The following TSHZ2 variants were observed in gnomAD, a reference collection of about 807,000 sequenced individuals.
The protein encoded by TSHZ2 is teashirt homolog 2.
TSHZ2 carries 21 observed loss-of-function variants against 74.4 expected under a neutral mutation model. The observed-to-expected ratio is 0.28, with a 90% CI of 0.20 to 0.41. The LOEUF (loss-of-function observed/expected upper bound fraction) is 0.41. TSHZ2 is among the 10% of genes least tolerant of loss of function. TSHZ2 has a pLI of 1.00. For synonymous variants in TSHZ2, 540 were observed against 515.3 expected (o/e 1.05, Z -0.65); for missense variants, 1,244 against 1,293.5 (o/e 0.96, Z 0.59).
chr20:53,077,845 T>G, intron 1 of TSHZ2, among the ~76,000 whole-genome samples: 1 of 152,234 alleles, frequency 6.6e-6, no homozygotes, highest in East Asian at 1.9e-4. Context: ...CTTGCAAAGA[T>G]GCAATGGAAA....
At chr20:53,333,822 G>A (rs969326538) in intron 2 of TSHZ2, among the ~76,000 whole-genome samples, 5 of 152,134 alleles carry the variant, frequency 3.3e-5, no homozygotes, top group African/African-American at 7.2e-5. Context: ...AGGATGCAGC[G>A]ACTGCATCTC....
At chr20:53,101,582 A>G (rs1352187053) in intron 1 of TSHZ2, among the ~76,000 whole-genome samples, 1 of 152,254 alleles carries the variant, frequency 6.6e-6, no homozygotes, top group African/African-American at 2.4e-5. Flanking sequence ...GACAGTTTGT[A>G]GAAACCACAG....
chr20:53,001,205 C>T (rs62206634), intron 1 of TSHZ2, among the ~76,000 whole-genome samples: 395 of 94,210 alleles, frequency 4.2e-3, no homozygotes, highest in African/African-American at 0.013. Context: ...CGTTCATGTG[C>T]GTGTGTGTGT....
At chr20:53,372,878 C>T (rs1981527819) in intron 2 of TSHZ2, among the ~76,000 whole-genome samples, 1 of 152,184 alleles carries the variant, frequency 6.6e-6, no homozygotes, top group African/African-American at 2.4e-5. Flanking sequence ...TGGGATAGAA[C>T]ATACAGGGGA....
chr20:53,430,042 A>G (rs1005033693), intron 2 of TSHZ2, among the ~76,000 whole-genome samples: 3 of 152,286 alleles, frequency 2.0e-5, no homozygotes, highest in East Asian at 1.9e-4. Flanking sequence ...ATCACTCCCA[A>G]TTGAAAAACC....
chr20:53,093,995 T>G (rs1415678096), intron 1 of TSHZ2, among the ~76,000 whole-genome samples: 1 of 152,016 alleles, frequency 6.6e-6, no homozygotes, highest in African/African-American at 2.4e-5. Flanking sequence ...TTAGTTTTTT[T>G]TTTTTTTTTT....
chr20:52,986,987 G>A (rs1231362046), intron 1 of TSHZ2, among the ~76,000 whole-genome samples: 1 of 151,888 alleles, frequency 6.6e-6, no homozygotes, highest in Non-Finnish European at 1.5e-5. Flanking sequence ...AGAATGATGT[G>A]AGGACACTGC....
At chr20:53,369,799 G>A (rs1981403050) in intron 2 of TSHZ2, among the ~76,000 whole-genome samples, 1 of 152,188 alleles carries the variant, frequency 6.6e-6, no homozygotes, top group African/African-American at 2.4e-5. Flanking sequence ...AGGGAGAGTA[G>A]AAGAAAGGCA....
chr20:53,237,841 A>C (rs957187929), intron 1 of TSHZ2, among the ~76,000 whole-genome samples: 1 of 152,140 alleles, frequency 6.6e-6, no homozygotes, highest in African/African-American at 2.4e-5. Flanking sequence ...GGGGACTCTT[A>C]AATATGCAGA....
chr20:53,457,104 G>A (rs1310060358), intron 2 of TSHZ2, among the ~76,000 whole-genome samples: 4 of 114,964 alleles, frequency 3.5e-5, no homozygotes, highest in East Asian at 2.8e-4. Context: ...GAAAGGCATT[G>A]GTAGCTTGAT....
At chr20:53,284,213 G>T (rs1432716426) in intron 2 of TSHZ2, among the ~76,000 whole-genome samples, 1 of 152,160 alleles carries the variant, frequency 6.6e-6, no homozygotes, top group Non-Finnish European at 1.5e-5. Flanking sequence ...ATGCTGGACC[G>T]CCACCTCCAT....
intron 1 of TSHZ2, among the ~76,000 whole-genome samples, chr20:52,985,822 C>G (rs1055243379): frequency 6.6e-6 from 1 of 152,124 alleles, no homozygotes; most frequent in Non-Finnish European, 1.5e-5. Flanking sequence ...ACCATCGTCT[C>G]CAATTATGCA....
chr20:53,058,526 A>C (rs765230491), intron 1 of TSHZ2, among the ~76,000 whole-genome samples: 29 of 152,188 alleles, frequency 1.9e-4, no homozygotes, highest in Non-Finnish European at 3.2e-4. Context: ...CCTTCTGAGC[A>C]TGGGGCCCTG....
intron 1 of TSHZ2, among the ~76,000 whole-genome samples, chr20:53,076,712 C>T (rs1423114688): frequency 6.6e-6 from 1 of 152,110 alleles, no homozygotes; most frequent in Non-Finnish European, 1.5e-5. Flanking sequence ...GGCACAGGTA[C>T]CTTATTTGCT....
At chr20:53,326,906 G>A (rs8116234) in intron 2 of TSHZ2, among the ~76,000 whole-genome samples, 4,374 of 152,290 alleles carry the variant, frequency 0.029, 216 homozygotes, top group African/African-American at 0.098. Context: ...CGGATTCTCC[G>A]AGATGAAAAT....
At chr20:53,327,653 T>C (rs948784012) in intron 2 of TSHZ2, among the ~76,000 whole-genome samples, 8 of 152,214 alleles carry the variant, frequency 5.3e-5, no homozygotes, top group Non-Finnish European at 7.3e-5. Flanking sequence ...GAGTGCTTGC[T>C]ATGTGACAAG....
At chr20:53,114,477 C>T (rs183628320) in intron 1 of TSHZ2, among the ~76,000 whole-genome samples, 314 of 152,320 alleles carry the variant, frequency 2.1e-3, no homozygotes, top group Non-Finnish European at 3.5e-3. Context: ...TCAATGCAAA[C>T]TATTCCGTAT....
intron 2 of TSHZ2, among the ~76,000 whole-genome samples, chr20:53,385,014 G>A (rs543679148): frequency 4.6e-5 from 7 of 152,152 alleles, no homozygotes; most frequent in Middle Eastern, 3.4e-3. Context: ...CCAGCTACTC[G>A]GGAGGCTGAG....
chr20:53,331,256 G>A (rs139627935), intron 2 of TSHZ2, among the ~76,000 whole-genome samples: 24 of 152,292 alleles, frequency 1.6e-4, no homozygotes, highest in African/African-American at 5.8e-4. Context: ...AAGCATTGTG[G>A]TCTGAGAAAT....
Sources: allele counts gnomAD v4.1 joint callset (sites outside exome capture counted in the v4.1 genomes callset), GRCh38; gene constraint gnomAD v4.1.1; transcripts MANE v1.5; gene names NCBI Gene and HGNC (gene_info 2026-07-23, HGNC 2026-07-21).